SFMBT2: variants seen among roughly 807,000 people sequenced by gnomAD.
SFMBT2 encodes the protein scm-like with four MBT domains protein 2.
A neutral mutation model predicts 110.1 loss-of-function variants in SFMBT2; 38 were observed. The ratio of observed to expected loss-of-function variants is 0.35; its 90% CI spans 0.27 to 0.45. The LOEUF is 0.45. Ranked by LOEUF, SFMBT2 falls within the 20% of genes least tolerant of loss-of-function variation. SFMBT2 has a pLI of 1.00. For missense variants in SFMBT2, 1,011 were observed against 1,094.9 expected, an observed-to-expected ratio of 0.92 and a Z score of 1.08; for synonymous variants, 425 against 425.4, an observed-to-expected ratio of 1.00 and a Z score of 0.01.
At chr10:7,372,178 A>C (rs567835175) in intron 2 of SFMBT2, among the ~76,000 whole-genome samples, 2 of 152,172 alleles carry the variant, frequency 1.3e-5, no homozygotes, top group South Asian at 4.2e-4. Context: ...TCAGCCTCCC[A>C]AAGTGCTGGG....
chr10:7,261,100 C>A (rs1041990737), intron 7 of SFMBT2, among the ~76,000 whole-genome samples: 2 of 152,094 alleles, frequency 1.3e-5, no homozygotes, highest in Non-Finnish European at 2.9e-5. Flanking sequence ...GACTCCTGTG[C>A]CTCTCGAGTC....
In SFMBT2 at chr10:7,311,058, A is replaced by G. The variant is rs1245036136; in HGVS notation, c.437-25104T>C. On this transcript the variant is annotated intron_variant, in intron 4 of 20. Transcript: ENST00000397167. ...GAAACTCCATCTCAAAAAAAAAAAA[A>G]AAAAACAAAACAAAAACAAAATAAA... is the stretch of plus-strand genomic sequence containing the variant. Among the ~76,000 whole-genome samples the G allele has an allele frequency of 1.1e-4, 16 of 150,050 alleles. No individual in the cohort carries two copies. The East Asian group carries it at 3.1e-3, about 29-fold the overall frequency.
chr10:7,256,646 C>T (rs775840179), intron 7 of SFMBT2, among the ~76,000 whole-genome samples: 1 of 152,208 alleles, frequency 6.6e-6, no homozygotes, highest in African/African-American at 2.4e-5. Context: ...CAATTATCCT[C>T]CATCGATACC....
rs1181943735 is a variant in SFMBT2 at position 7,180,694 on chromosome 10, G to A, written c.1809-4529C>T. On this transcript the variant is annotated intron_variant, in intron 16 of 20. Transcript: ENST00000397167. ...GGGCCCTCCTTGATGAAACCCATCT[G>A]GGAGGAACCCACCAGGGAAAAGGAT... is the stretch of plus-strand genomic sequence containing the variant. 2.0e-5 allele frequency among the ~76,000 whole-genome samples: 3 copies of A among 152,162 alleles called. 1 individual carries two copies. The highest frequency in any genetic ancestry group is 7.2e-5 in the African/African-American group (3 of 41,422).
At chr10:7,223,587 C>A (rs539673022) in intron 10 of SFMBT2, among the ~76,000 whole-genome samples, 1 of 152,150 alleles carries the variant, frequency 6.6e-6, no homozygotes, top group Admixed American at 6.5e-5. Context: ...GTCATGGACT[C>A]TTTCCTCTCT....
chr10:7,277,000 A>G lies in SFMBT2; in HGVS notation c.773-11T>C. On this transcript the variant is annotated splice_polypyrimidine_tract_variant and intron_variant, in intron 6 of 20. Transcript: ENST00000397167. ...TCAAAGGATAGATTTCTGTATCAAC[A>G]GCAAATCACAGAAGAGTTGAAGGAC... The G allele has an allele frequency of 1.2e-6, 1 of 864,084 alleles. No individual in the cohort carries two copies. Among genetic ancestry groups the G allele is most frequent in the Non-Finnish European group, 2.0e-6 (1 of 493,904 alleles). 53.5% of individuals were successfully genotyped at this position (864,084 alleles called of 1,614,324 possible). A position where few individuals can be genotyped will look rare whatever the true frequency, so the allele number is the denominator to read the frequency against.
Position 7,293,440 on chromosome 10 carries a change from C to T in SFMBT2, c.437-7486G>A, listed in dbSNP as rs751352117. Among the ~76,000 whole-genome samples, 6 of 151,998 alleles carry T rather than the reference C, an allele frequency of 3.9e-5. No homozygotes were observed. The highest frequency in any genetic ancestry group is 6.6e-5 in the Admixed American group (1 of 15,260). ...ATGTGAAGGTAAAGCTAATGGGATTCGCTGATGGGCTACAAGAGAAGTAGA... is the reference window on the plus strand; with the variant it reads ...ATGTGAAGGTAAAGCTAATGGGATTTGCTGATGGGCTACAAGAGAAGTAGA... On this transcript the variant is annotated intron_variant, in intron 4 of 20. Transcript: ENST00000397167. The surrounding 1 kb of genome is among the most constrained non-coding windows in gnomAD (Gnocchi z 4.6).
chr10:7,323,575 C>A (rs1843271925), intron 4 of SFMBT2, among the ~76,000 whole-genome samples: 1 of 150,568 alleles, frequency 6.6e-6, no homozygotes, highest in African/African-American at 2.4e-5. Flanking sequence ...GGGGTTTCAA[C>A]TATAGTGGTT....
chr10:7,196,843 T>A (rs182742215), intron 15 of SFMBT2, among the ~76,000 whole-genome samples: 3 of 152,204 alleles, frequency 2.0e-5, no homozygotes, highest in African/African-American at 7.2e-5. Context: ...AAATTTCCAA[T>A]CTGTCTCCAA....
intron 2 of SFMBT2, among the ~76,000 whole-genome samples, chr10:7,375,659 C>T (rs774117492): frequency 1.4e-4 from 21 of 151,812 alleles, no homozygotes; most frequent in Non-Finnish European, 5.9e-5. Flanking sequence ...GCAGAGCCAC[C>T]CCACAGGCAG....
intron 16 of SFMBT2, among the ~76,000 whole-genome samples, chr10:7,187,827 C>A (rs1838465646): frequency 6.6e-6 from 1 of 152,182 alleles, no homozygotes; most frequent in African/African-American, 2.4e-5. Flanking sequence ...CTGTTTTACT[C>A]TTTTAAAAAA....
At chr10:7,376,629 G>A (rs1359834252) in intron 2 of SFMBT2, among the ~76,000 whole-genome samples, 1 of 146,570 alleles carries the variant, frequency 6.8e-6, no homozygotes, top group Non-Finnish European at 1.5e-5. Context: ...AACCCGAGAG[G>A]AGGAGCTTAA....
chr10:7,366,054 AG>A (rs937312462), intron 4 of SFMBT2, among the ~76,000 whole-genome samples: 8 of 152,190 alleles, frequency 5.3e-5, no homozygotes, highest in Non-Finnish European at 1.2e-4. Context: ...TGGTGCAGAT[AG>A]GGTGTGACCT....
intron 16 of SFMBT2, among the ~76,000 whole-genome samples, chr10:7,184,704 G>A (rs1430219237): frequency 1.3e-5 from 2 of 152,090 alleles, no homozygotes; most frequent in Non-Finnish European, 2.9e-5. Context: ...TTCACCCTCA[G>A]AATCACCCTT....
At chr10:7,295,934 TG>T (rs997742084) in intron 4 of SFMBT2, among the ~76,000 whole-genome samples, 1 of 152,210 alleles carries the variant, frequency 6.6e-6, no homozygotes, top group African/African-American at 2.4e-5. Flanking sequence ...ACGCTTTCTC[TG>T]AAGTTCCCAA....
At chr10:7,312,353 G>C (rs1008481973) in intron 4 of SFMBT2, among the ~76,000 whole-genome samples, 6 of 152,196 alleles carry the variant, frequency 3.9e-5, no homozygotes, top group Non-Finnish European at 5.9e-5. Flanking sequence ...ACTACCAACG[G>C]GTGAACAGCA....
chr10:7,191,562 G>A (rs1025655341), intron 15 of SFMBT2, among the ~76,000 whole-genome samples: 6 of 152,190 alleles, frequency 3.9e-5, no homozygotes, highest in Non-Finnish European at 5.9e-5. Context: ...TCCAAAGTCC[G>A]TATCAGAAAG....
At chr10:7,331,515 C>G (rs553150201) in intron 4 of SFMBT2, among the ~76,000 whole-genome samples, 1 of 152,194 alleles carries the variant, frequency 6.6e-6, no homozygotes, top group Non-Finnish European at 1.5e-5. Flanking sequence ...AGGAGAGGAT[C>G]AGAGACTAAA....
chr10:7,393,762 G>A (rs1024183958), intron 1 of SFMBT2, among the ~76,000 whole-genome samples: 13 of 152,172 alleles, frequency 8.5e-5, no homozygotes, highest in South Asian at 2.1e-4. Flanking sequence ...CTACACGGTG[G>A]AAGGGGCATG....
Sources: allele counts gnomAD v4.1 joint callset (sites outside exome capture counted in the v4.1 genomes callset), GRCh38; gene constraint gnomAD v4.1.1; non-coding constraint Gnocchi (gnomAD v3.1); transcripts MANE v1.5; gene names NCBI Gene and HGNC (gene_info 2026-07-23, HGNC 2026-07-21).